Variants in DPY19L4 observed in about 807,000 individuals in gnomAD.
DPY19L4 encodes dpy-19 like 4, also known as probable C-mannosyltransferase DPY19L4.
DPY19L4 carries 97 observed loss-of-function variants against 102.8 expected under a neutral mutation model. The observed-to-expected ratio is 0.94, with a 90% CI of 0.80 to 1.12. The LOEUF is 1.12. Ranked by LOEUF, DPY19L4 falls within the 50% of genes most tolerant of loss-of-function variation. The probability of loss-of-function intolerance (pLI) is 0.00; values close to 1 mark genes in which losing one functional copy is unlikely to be tolerated. For synonymous variants in DPY19L4, 252 were observed against 283.1 expected (o/e 0.89, Z 1.10); for missense variants, 815 against 850.4 (o/e 0.96, Z 0.52).
chr8:94,739,565 A>C (rs372572515), intron 5 of DPY19L4, 31 bp downstream of exon 5: 1 of 1,596,046 alleles, frequency 6.3e-7, no homozygotes, highest in Non-Finnish European at 8.5e-7. Context: ...CCTAATATTT[A>C]TTTTCTCATG....
At chr8:94,769,621 G>T (rs900564310) in intron 12 of DPY19L4, among the ~76,000 whole-genome samples, 3 of 151,744 alleles carry the variant, frequency 2.0e-5, no homozygotes, top group Non-Finnish European at 2.9e-5. Context: ...AGAGGCTGAC[G>T]CAGGAGGATT....
intron 2 of DPY19L4, among the ~76,000 whole-genome samples, chr8:94,728,409 C>T (rs761760842): frequency 6.6e-6 from 1 of 152,218 alleles, no homozygotes; most frequent in East Asian, 1.9e-4. Context: ...CTTGATTTTA[C>T]ACTCTAGAGA....
chr8:94,720,229 A>T (rs949868022), intron 1 of DPY19L4: 10 of 985,302 alleles, frequency 1.0e-5, no homozygotes, highest in Non-Finnish European at 1.1e-5. Context: ...CCGAATTGGG[A>T]AGCAAAGGTG....
At chr8:94,788,579 T>C (rs1287805874) in intron 18 of DPY19L4, among the ~76,000 whole-genome samples, 1 of 152,252 alleles carries the variant, frequency 6.6e-6, no homozygotes, top group Non-Finnish European at 1.5e-5. Context: ...TTAATTTCTA[T>C]ATTGATTTCG....
chr8:94,733,627 C>T (rs548517158), intron 2 of DPY19L4, among the ~76,000 whole-genome samples: 5 of 151,956 alleles, frequency 3.3e-5, no homozygotes, highest in Admixed American at 1.3e-4. Flanking sequence ...CTGCAACCTC[C>T]GCCTCCCAGG....
At chr8:94,757,416 C>CT (rs1330422285) in intron 7 of DPY19L4, among the ~76,000 whole-genome samples, 9 of 148,514 alleles carry the variant, frequency 6.1e-5, no homozygotes, top group South Asian at 4.3e-4. Flanking sequence ...AGTATATTTT[C>CT]TTTTTTTTTT....
chr8:94,727,219 ATGATTGAT>A (rs561232916), intron 2 of DPY19L4, among the ~76,000 whole-genome samples: 8 of 152,270 alleles, frequency 5.3e-5, no homozygotes, highest in African/African-American at 9.6e-5. Context: ...ATTTACAGCT[ATGATTGAT>A]TGATTGATTG....
intron 17 of DPY19L4, 67 bp downstream of exon 17, chr8:94,783,869 G>A (rs933581059): frequency 2.1e-5 from 32 of 1,550,196 alleles, no homozygotes; most frequent in Non-Finnish European, 2.8e-5. Flanking sequence ...ATAGTCTGCA[G>A]TATACATATG....
intron 4 of DPY19L4, 152 bp downstream of exon 4, chr8:94,738,611 T>A: frequency 4.0e-6 from 1 of 249,258 alleles, no homozygotes; most frequent in Non-Finnish European, 8.1e-6. Context: ...GCCTCCCGGT[T>A]CAGGCAATTC....
At position 94,771,372 on chromosome 8, in the gene DPY19L4, T is replaced by C. The variant is rs78799648; in HGVS notation, c.1454+801T>C. Among the ~76,000 whole-genome samples, 1,447 of 152,350 alleles carry C rather than the reference T, an allele frequency of 9.5e-3. 8 individuals are homozygous for C. The highest frequency in any genetic ancestry group is 0.015 in the Non-Finnish European group (1,034 of 68,034). On this transcript the variant is annotated intron_variant, in intron 13 of 18. Transcript: ENST00000414645. The stretch of plus-strand genomic sequence containing the variant: ...GACATTTACTTATTCATTCATTTGT[T>C]AAAAAACTATTGAACATATTCCAAG...
At chr8:94,739,352 G>A in intron 4 of DPY19L4, 61 bp from the exon 5 acceptor site, 1 of 1,475,314 alleles carries the variant, frequency 6.8e-7, no homozygotes, top group East Asian at 2.3e-5. Flanking sequence ...AAGGACTAAT[G>A]ACATGTTTAA....
Position 94,766,501 on chromosome 8 carries a change from A to G in DPY19L4, c.1102-111A>G, listed in dbSNP as rs1812680642. The G allele has an allele frequency of 9.3e-6, 8 of 859,666 alleles. No homozygotes were observed. In the South Asian group the frequency reaches 1.4e-4, roughly 15 times the overall value. 53.3% of individuals were successfully genotyped at this position (859,666 alleles called of 1,614,324 possible). On this transcript the variant is annotated intron_variant, in intron 10 of 18. Coordinates refer to ENST00000414645, the MANE Select transcript of DPY19L4 (RefSeq NM_181787.3). ...TAGTCATACCGTATATTATTTATTC[A>G]TATTTTTGTTTTGTAGTCTTGTTGT...
chr8:94,735,025 A>T (rs1455925010), intron 3 of DPY19L4, among the ~76,000 whole-genome samples: 2 of 152,180 alleles, frequency 1.3e-5, no homozygotes. Flanking sequence ...CAGCCTTTTC[A>T]TAGTTTTGAT....
At chr8:94,768,695 T>C (rs1812787218) in intron 12 of DPY19L4, 142 bp downstream of exon 12, 1 of 639,120 alleles carries the variant, frequency 1.6e-6, no homozygotes, top group South Asian at 2.9e-5. Flanking sequence ...ATGGAAAATA[T>C]CATTATAAGA....
chr8:94,721,279 G>C (rs935984830), intron 1 of DPY19L4, among the ~76,000 whole-genome samples: 4 of 152,220 alleles, frequency 2.6e-5, no homozygotes, highest in African/African-American at 9.6e-5. Flanking sequence ...GTGCAAGGAA[G>C]GAGTTTAAAG....
intron 14 of DPY19L4, among the ~76,000 whole-genome samples, chr8:94,780,035 A>T (rs1251481919): frequency 6.6e-6 from 1 of 152,122 alleles, no homozygotes; most frequent in Non-Finnish European, 1.5e-5. Context: ...CCTTTGTAAG[A>T]TCTGTATAAC....
intron 4 of DPY19L4, 79 bp downstream of exon 4, chr8:94,738,538 G>A (rs553500133): frequency 2.8e-5 from 21 of 743,064 alleles, no homozygotes; most frequent in Admixed American, 1.1e-4. Flanking sequence ...TTTCCGAGAC[G>A]GAGTCTTGCT....
chr8:94,780,820 T>C (rs1813393783), intron 15 of DPY19L4, among the ~76,000 whole-genome samples: 1 of 152,168 alleles, frequency 6.6e-6, no homozygotes, highest in African/African-American at 2.4e-5. Flanking sequence ...CAATTTATTA[T>C]TGTTTGGTAA....
chr8:94,765,366 G>A (rs766135734), intron 9 of DPY19L4, 52 bp downstream of exon 9: 4 of 1,513,012 alleles, frequency 2.6e-6, no homozygotes, highest in Non-Finnish European at 3.6e-6. Context: ...TTTTTTTGAA[G>A]TGGAGTCTCA....
Sources: allele counts gnomAD v4.1 joint callset (sites outside exome capture counted in the v4.1 genomes callset), GRCh38; gene constraint gnomAD v4.1.1; transcripts MANE v1.5; gene names NCBI Gene and HGNC (gene_info 2026-07-23, HGNC 2026-07-21).